IL1RAPL1: variants seen among roughly 807,000 people sequenced by gnomAD.
The protein encoded by IL1RAPL1 is interleukin-1 receptor accessory protein-like 1.
IL1RAPL1 carries 3 observed loss-of-function variants against 48.4 expected under a neutral mutation model. The observed-to-expected ratio is 0.06, with a 90% CI of 0.03 to 0.16. The LOEUF (loss-of-function observed/expected upper bound fraction) is 0.16, where lower values mean the gene tolerates loss of function less well. Ranked by LOEUF, IL1RAPL1 falls within the 10% of genes least tolerant of loss-of-function variation. The probability of loss-of-function intolerance (pLI) is 1.00; values close to 1 mark genes in which losing one functional copy is unlikely to be tolerated. For synonymous variants in IL1RAPL1, 185 were observed against 187.7 expected (o/e 0.99, Z 0.12); for missense variants, 349 against 530.6 (o/e 0.66, Z 3.36).
chrX:29,805,824 C>G (rs1275656195), intron 6 of IL1RAPL1, among the ~76,000 whole-genome samples: 1 of 110,149 alleles, frequency 9.1e-6, no homozygotes, highest in African/African-American at 3.3e-5. Context: ...CAAGGAAACT[C>G]AAGTACAGCT....
At chrX:28,653,146 G>A (rs1934705142) in intron 1 of IL1RAPL1, among the ~76,000 whole-genome samples, 2 of 111,805 alleles carry the variant, frequency 1.8e-5, no homozygotes, top group South Asian at 7.5e-4. Context: ...ACATAATAAA[G>A]ATTGGAGAAT....
intron 5 of IL1RAPL1, among the ~76,000 whole-genome samples, chrX:29,554,523 A>G (rs1467645496): frequency 1.8e-5 from 2 of 111,289 alleles, no homozygotes; most frequent in African/African-American, 3.3e-5. Context: ...GTAGGCCTTC[A>G]TTAGAAAGAT....
intron 6 of IL1RAPL1, among the ~76,000 whole-genome samples, chrX:29,886,489 C>T (rs899927594): frequency 9.0e-6 from 1 of 111,666 alleles, no homozygotes; most frequent in African/African-American, 3.3e-5. Context: ...TAGAAGTTCC[C>T]CTTAGGCATT....
rs1333341526 is a variant in IL1RAPL1 at position 29,535,146 on chromosome X, A to AAAG, written c.704-133282_704-133281insGAA. Reference sequence around the variant, plus strand: ...CAGACTCTGTCTCCAAAAAAAAAAAAAAAAAAAAAAAAAAAATTAACTCCC... The same window carrying AAAG: ...CAGACTCTGTCTCCAAAAAAAAAAAAAAGAAAAAAAAAAAAAAAATTAACTCCC... On this transcript the variant is annotated intron_variant, in intron 5 of 10. Coordinates refer to ENST00000378993, the MANE Select transcript of IL1RAPL1 (RefSeq NM_014271.4). Among the ~76,000 whole-genome samples, 41 of 104,730 alleles carry AAAG rather than the reference A, an allele frequency of 3.9e-4. 2 individuals are homozygous for AAAG. Among genetic ancestry groups the AAAG allele is most frequent in the African/African-American group, 1.3e-3 (38 of 28,587 alleles). The allele number at this position is 104,730 out of a possible 115,157, so 90.9% of individuals were successfully genotyped here.
chrX:29,773,583 T>C (rs1043115036), intron 6 of IL1RAPL1, among the ~76,000 whole-genome samples: 1 of 112,559 alleles, frequency 8.9e-6, no homozygotes, highest in Non-Finnish European at 1.9e-5. Flanking sequence ...TTGTCTCTCA[T>C]TGAATTTTTC....
chrX:29,824,833 A>G (rs1357924730), intron 6 of IL1RAPL1, among the ~76,000 whole-genome samples: 1 of 110,498 alleles, frequency 9.0e-6, no homozygotes, highest in African/African-American at 3.3e-5. Flanking sequence ...GTTCCTTTTA[A>G]TATGAGGAAG....
intron 6 of IL1RAPL1, among the ~76,000 whole-genome samples, chrX:29,753,566 A>G (rs1023509057): frequency 1.8e-5 from 2 of 112,128 alleles, no homozygotes; most frequent in East Asian, 2.8e-4. Context: ...GTTATCTAAT[A>G]TCACTTATAG....
intron 3 of IL1RAPL1, among the ~76,000 whole-genome samples, chrX:29,388,420 A>C (rs1011728152): frequency 8.9e-6 from 1 of 112,075 alleles, no homozygotes; most frequent in African/African-American, 3.2e-5. Flanking sequence ...CCAGCAATTC[A>C]AATTCTAGAT....
intron 8 of IL1RAPL1, among the ~76,000 whole-genome samples, chrX:29,932,526 A>T (rs1932963929): frequency 8.9e-6 from 1 of 111,914 alleles, no homozygotes; most frequent in Non-Finnish European, 1.9e-5. Flanking sequence ...CTATCACATC[A>T]CACATTCATT....
chrX:28,704,831 CAAAAAAAA>C (rs1179973377), intron 1 of IL1RAPL1, among the ~76,000 whole-genome samples: 1 of 29,652 alleles, frequency 3.4e-5, no homozygotes, highest in African/African-American at 1.6e-4. Flanking sequence ...CACACACACA[CAAAAAAAA>C]AAAAAAAAAA....
At chrX:29,743,975 A>G (rs1928270803) in intron 6 of IL1RAPL1, among the ~76,000 whole-genome samples, 1 of 111,783 alleles carries the variant, frequency 8.9e-6, no homozygotes, top group South Asian at 3.7e-4. Context: ...TCATTACTGC[A>G]AATACATGAA....
intron 2 of IL1RAPL1, among the ~76,000 whole-genome samples, chrX:29,002,711 T>C (rs997909566): frequency 9.8e-5 from 11 of 112,070 alleles, no homozygotes; most frequent in African/African-American, 2.6e-4. Flanking sequence ...AATTGAAATA[T>C]TGAAAGCAAC....
At position 28,847,643 on chromosome X, in the gene IL1RAPL1, C is replaced by A. The variant is rs192634975; in HGVS notation, c.82+58218C>A. Among the ~76,000 whole-genome samples, 67 of 110,883 alleles carry A rather than the reference C, an allele frequency of 6.0e-4. No individual in the cohort carries two copies. The East Asian group carries it at 0.018, about 31-fold the overall frequency. On this transcript the variant is annotated intron_variant, in intron 2 of 10. Coordinates refer to ENST00000378993, the MANE Select transcript of IL1RAPL1 (RefSeq NM_014271.4). ...AGACACACCCCCTCCCACGTCAGTG[C>A]CTTGCACTTGCTGTTCCTTTTGCCT...
At position 28,708,413 on chromosome X, in the gene IL1RAPL1, G is replaced by A. The variant is rs1408899960; in HGVS notation, c.-24-80907G>A. Among the ~76,000 whole-genome samples, 4 of 110,948 alleles carry A rather than the reference G, an allele frequency of 3.6e-5. No homozygotes were observed. The East Asian group carries it at 1.1e-3, about 32-fold the overall frequency. On this transcript the variant is annotated intron_variant, in intron 1 of 10. Transcript: ENST00000378993. Reference sequence around the variant, plus strand: ...ACAGCCACTATGGAAAACAGTTGTGGAGATGTCTCAGAAAACTAAAAATAG... The same window carrying A: ...ACAGCCACTATGGAAAACAGTTGTGAAGATGTCTCAGAAAACTAAAAATAG...
rs1000902730 is a variant in IL1RAPL1 at position 29,629,554 on chromosome X, G to T, written c.704-38876G>T. Among the ~76,000 whole-genome samples the T allele has an allele frequency of 4.5e-5, 5 of 111,959 alleles. No homozygotes were observed. In the East Asian group the frequency reaches 1.4e-3, roughly 31 times the overall value. On this transcript the variant is annotated intron_variant, in intron 5 of 10. Coordinates refer to ENST00000378993, the MANE Select transcript of IL1RAPL1 (RefSeq NM_014271.4). ...TCTAAGCTATTCAAGATAGTAATAT[G>T]TAGTGTATTTGGGAAAGTGAAATTA...
intron 3 of IL1RAPL1, among the ~76,000 whole-genome samples, chrX:29,376,714 A>G (rs1357480025): frequency 9.0e-6 from 1 of 111,638 alleles, no homozygotes; most frequent in Non-Finnish European, 1.9e-5. Context: ...AGTGATTTCT[A>G]TTTTTATTGT....
At chrX:29,854,088 A>T (rs764958288) in intron 6 of IL1RAPL1, among the ~76,000 whole-genome samples, 1 of 112,179 alleles carries the variant, frequency 8.9e-6, no homozygotes, top group South Asian at 3.7e-4. Context: ...GGTACGAAGG[A>T]TGACTTTCTG....
intron 2 of IL1RAPL1, among the ~76,000 whole-genome samples, chrX:28,970,002 G>GTTTCT (rs1925028997): frequency 1.1e-3 from 64 of 59,708 alleles, no homozygotes; most frequent in African/African-American, 3.0e-3. Flanking sequence ...TATATGTTTA[G>GTTTCT]AAACATATAT....
chrX:28,892,515 G>A (rs899062332), intron 2 of IL1RAPL1, among the ~76,000 whole-genome samples: 1 of 111,443 alleles, frequency 9.0e-6, no homozygotes, highest in Non-Finnish European at 1.9e-5. Flanking sequence ...AGGCCATCCG[G>A]ATGTATATGT....
Sources: gnomAD v4.1 joint callset for allele counts (sites outside exome capture counted in the v4.1 genomes callset) on GRCh38, gnomAD v4.1.1 for gene constraint, MANE v1.5 for transcripts, NCBI Gene and HGNC (gene_info 2026-07-23, HGNC 2026-07-21) for gene names.